PLXNA4: variants seen among roughly 807,000 people sequenced by gnomAD.
The protein encoded by PLXNA4 is plexin-A4.
PLXNA4 carries 44 observed loss-of-function variants against 191.8 expected under a neutral mutation model. The observed-to-expected ratio is 0.23, with a 90% CI of 0.18 to 0.29. The LOEUF (loss-of-function observed/expected upper bound fraction) is 0.29. Among genes scored for constraint, PLXNA4 ranks in the 10% least tolerant of loss-of-function variants. The pLI is 1.00. For synonymous variants in PLXNA4, 1,082 were observed against 1,009.5 expected (o/e 1.07, Z -1.36); for missense variants, 1,800 against 2,488.8 (o/e 0.72, Z 5.89).
At chr7:132,586,246 G>A (rs949660644) in intron 2 of PLXNA4, among the ~76,000 whole-genome samples, 2 of 152,206 alleles carry the variant, frequency 1.3e-5, no homozygotes, top group African/African-American at 4.8e-5. Context: ...GATAAAGATA[G>A]AGGAGACATG....
intron 1 of PLXNA4, among the ~76,000 whole-genome samples, chr7:132,528,460 G>T (rs1034100007): frequency 6.6e-6 from 1 of 152,200 alleles, no homozygotes; most frequent in South Asian, 2.1e-4. Context: ...ATAAGCCAAT[G>T]ATTCCCAGCA....
At chr7:132,226,505 C>A (rs1798328044) in intron 7 of PLXNA4, among the ~76,000 whole-genome samples, 1 of 152,256 alleles carries the variant, frequency 6.6e-6, no homozygotes, top group Non-Finnish European at 1.5e-5. Context: ...CAGATGCACA[C>A]TGCCAGGGAT....
At chr7:132,496,625 C>G (rs1451713838) in intron 2 of PLXNA4, among the ~76,000 whole-genome samples, 1 of 152,130 alleles carries the variant, frequency 6.6e-6, no homozygotes, top group Admixed American at 6.5e-5. Context: ...TGGTCTTGAA[C>G]TCCTGCCCTT....
At chr7:132,644,556 A>G (rs1803818623) in intron 2 of PLXNA4, among the ~76,000 whole-genome samples, 4 of 152,168 alleles carry the variant, frequency 2.6e-5, no homozygotes, top group Admixed American at 2.6e-4. Context: ...GTGACCAGAA[A>G]GGCGCATTTC....
rs575255422 is a variant in PLXNA4 at position 132,617,170 on chromosome 7, C to T, written c.-87+28758G>A. On this transcript the variant is annotated intron_variant, in intron 2 of 4. Transcript: ENST00000378539. Reference sequence around the variant, plus strand: ...TATTTGTAAAGAACCCGATTGCCACCTTGGGCATGGGTTTGTTCTCTGAGG... The same window carrying T: ...TATTTGTAAAGAACCCGATTGCCACTTTGGGCATGGGTTTGTTCTCTGAGG... Among the ~76,000 whole-genome samples the T allele has an allele frequency of 8.3e-4, 127 of 152,298 alleles. 1 individual carries two copies. The highest frequency in any genetic ancestry group is 3.0e-3 in the African/African-American group (123 of 41,548).
At chr7:132,500,500 T>C (rs1585230856) in intron 2 of PLXNA4, among the ~76,000 whole-genome samples, 1 of 151,376 alleles carries the variant, frequency 6.6e-6, no homozygotes, top group African/African-American at 2.4e-5. Flanking sequence ...GAAGGGGAAA[T>C]AATAATAATA....
chr7:132,335,694 T>G (rs1802790363), intron 3 of PLXNA4, among the ~76,000 whole-genome samples: 1 of 152,118 alleles, frequency 6.6e-6, no homozygotes, highest in Admixed American at 6.5e-5. Flanking sequence ...CGAATATGAG[T>G]TCATGGCATC....
chr7:132,519,985 G>A (rs1422246050), intron 1 of PLXNA4, among the ~76,000 whole-genome samples: 1 of 152,192 alleles, frequency 6.6e-6, no homozygotes, highest in African/African-American at 2.4e-5. Context: ...AGGCTTCACA[G>A]AACACAGGCT....
At chr7:132,484,642 C>T (rs1282965968) in intron 3 of PLXNA4, 12 of 1,153,424 alleles carry the variant, frequency 1.0e-5, no homozygotes, top group African/African-American at 4.7e-5. Context: ...ACTACCTGAC[C>T]GAACCCTGTA....
intron 13 of PLXNA4, among the ~76,000 whole-genome samples, chr7:132,196,377 A>G (rs1210517050): frequency 6.6e-6 from 1 of 152,200 alleles, no homozygotes; most frequent in African/African-American, 2.4e-5. Context: ...ACTCTATATT[A>G]TGCTTTGTAA....
intron 2 of PLXNA4, among the ~76,000 whole-genome samples, chr7:132,621,461 A>G (rs564835010): frequency 1.3e-5 from 2 of 151,936 alleles, no homozygotes; most frequent in African/African-American, 4.8e-5. Context: ...GGGTTTCACC[A>G]TGTTGGCCAG....
chr7:132,566,628 GA>G (rs953040690), intron 1 of PLXNA4, among the ~76,000 whole-genome samples: 1 of 152,182 alleles, frequency 6.6e-6, no homozygotes, highest in Non-Finnish European at 1.5e-5. Context: ...AAAAAATTGA[GA>G]AGGTGAATGT....
At chr7:132,227,702 C>G in intron 6 of PLXNA4, 98 bp from the exon 7 acceptor site, 2 of 1,476,896 alleles carry the variant, frequency 1.4e-6, no homozygotes, top group Non-Finnish European at 1.9e-6. Context: ...AGAGAGATCA[C>G]AGGGAAAGCA....
chr7:132,578,235 T>C (rs1236008783), upstream of PLXNA4, among the ~76,000 whole-genome samples: 1 of 151,764 alleles, frequency 6.6e-6, no homozygotes, highest in Non-Finnish European at 1.5e-5. Flanking sequence ...AACTCAACTC[T>C]GTGCATGCCA....
At chr7:132,225,555 A>T (rs939916033) in intron 8 of PLXNA4, among the ~76,000 whole-genome samples, 6 of 151,990 alleles carry the variant, frequency 3.9e-5, no homozygotes, top group Admixed American at 3.9e-4. Context: ...TGGAAGTTGG[A>T]TACTTAAGTC....
chr7:132,564,088 T>C (rs1278585314), intron 1 of PLXNA4, among the ~76,000 whole-genome samples: 4 of 71,850 alleles, frequency 5.6e-5, no homozygotes, highest in Non-Finnish European at 8.2e-5. Context: ...CCTCCTTCTC[T>C]TCCTCCTCCT....
At chr7:132,238,039 G>A (rs576350155) in intron 5 of PLXNA4, among the ~76,000 whole-genome samples, 164 of 152,140 alleles carry the variant, frequency 1.1e-3, no homozygotes, top group Non-Finnish European at 1.9e-3. Flanking sequence ...TGATTTTGCC[G>A]CTTAAAATAG....
chr7:132,340,829 C>T (rs773834014), intron 3 of PLXNA4, among the ~76,000 whole-genome samples: 12 of 152,144 alleles, frequency 7.9e-5, no homozygotes, highest in Non-Finnish European at 1.2e-4. Context: ...AGACATGTGC[C>T]ACCACGCCTG....
intron 2 of PLXNA4, among the ~76,000 whole-genome samples, chr7:132,645,191 G>A (rs1485988070): frequency 5.3e-5 from 8 of 152,190 alleles, no homozygotes; most frequent in Non-Finnish European, 1.2e-4. Context: ...CATGGTCCCA[G>A]TCTGATATGG....
Sources: allele counts gnomAD v4.1 joint callset (sites outside exome capture counted in the v4.1 genomes callset), GRCh38; gene constraint gnomAD v4.1.1; transcripts MANE v1.5; gene names NCBI Gene and HGNC (gene_info 2026-07-23, HGNC 2026-07-21).